NUP93: variants seen among roughly 807,000 people sequenced by gnomAD.
NUP93 encodes nucleoporin 93.
NUP93 carries 55 observed loss-of-function variants against 107.8 expected under a neutral mutation model. That is an observed-to-expected ratio of 0.51 (90% CI 0.41 to 0.64). The LOEUF (loss-of-function observed/expected upper bound fraction) is 0.64, where lower values mean the gene tolerates loss of function less well. Among genes scored for constraint, NUP93 ranks in the 30% least tolerant of loss-of-function variants. The pLI is 0.00. For synonymous variants in NUP93, 390 were observed against 397.5 expected (o/e 0.98, Z 0.22); for missense variants, 937 against 1,044.7 (o/e 0.90, Z 1.42).
chr16:56,811,471 G>T (rs1417851664), intron 5 of NUP93, among the ~76,000 whole-genome samples: 1 of 151,806 alleles, frequency 6.6e-6, no homozygotes, highest in African/African-American at 2.4e-5. Context: ...CAGGCTTTGG[G>T]TCCCCAAGCC....
intron 18 of NUP93, 141 bp from the exon 19 acceptor site, chr16:56,838,811 C>T (rs530328724): frequency 7.3e-5 from 49 of 668,942 alleles, no homozygotes; most frequent in East Asian, 2.9e-4. Flanking sequence ...GCAATCCTTC[C>T]GCCCCAGCCT....
chr16:56,803,102 CTCTTTT>C (rs1347990434), intron 4 of NUP93, among the ~76,000 whole-genome samples: 1 of 152,046 alleles, frequency 6.6e-6, no homozygotes, highest in African/African-American at 2.4e-5. Context: ...TCCCAGAGGG[CTCTTTT>C]TCTTTTACTG....
chr16:56,790,923 G>A (rs1307706428), intron 3 of NUP93, among the ~76,000 whole-genome samples: 1 of 152,146 alleles, frequency 6.6e-6, no homozygotes, highest in African/African-American at 2.4e-5. Flanking sequence ...GCTGTTGCTT[G>A]TGTCTTAGCA....
chr16:56,777,745 G>T (rs563451296), intron 3 of NUP93, among the ~76,000 whole-genome samples: 1 of 152,318 alleles, frequency 6.6e-6, no homozygotes, highest in African/African-American at 2.4e-5. Context: ...TGTTGGTAAT[G>T]ATGCTTAGTC....
intron 17 of NUP93, among the ~76,000 whole-genome samples, 181 bp downstream of exon 17, chr16:56,836,898 T>C (rs1963923345): frequency 6.6e-6 from 1 of 152,254 alleles, no homozygotes; most frequent in African/African-American, 2.4e-5. Flanking sequence ...GCATTATTTC[T>C]GCCCATAAGA....
chr16:56,737,953 G>A (rs1230708092), intron 1 of NUP93, among the ~76,000 whole-genome samples: 2 of 152,232 alleles, frequency 1.3e-5, no homozygotes, highest in African/African-American at 4.8e-5. Context: ...CAGAGCCAGA[G>A]CCAAAGCCAC....
chr16:56,774,632 T>C (rs1046566740), intron 3 of NUP93, among the ~76,000 whole-genome samples: 1 of 152,228 alleles, frequency 6.6e-6, no homozygotes, highest in Non-Finnish European at 1.5e-5. Context: ...TCATTTGAAA[T>C]GGCTTCTCTT....
At chr16:56,817,959 C>T (rs1963467584) in intron 5 of NUP93, among the ~76,000 whole-genome samples, 1 of 152,180 alleles carries the variant, frequency 6.6e-6, no homozygotes, top group African/African-American at 2.4e-5. Context: ...TTTCTCAGAA[C>T]CTATCCTATT....
At chr16:56,770,487 C>T (rs1450076982) in intron 3 of NUP93, among the ~76,000 whole-genome samples, 2 of 152,102 alleles carry the variant, frequency 1.3e-5, no homozygotes, top group East Asian at 1.9e-4. Context: ...AAATGAGAAC[C>T]GAATGGCTTT....
intron 1 of NUP93, among the ~76,000 whole-genome samples, chr16:56,740,193 G>A (rs1394576544): frequency 4.1e-5 from 6 of 146,842 alleles, no homozygotes; most frequent in East Asian, 2.1e-4. Flanking sequence ...CCCAGATGGG[G>A]TGGCTGCCGG....
chr16:56,766,567 TATTGA>T (rs1382727732), intron 3 of NUP93, among the ~76,000 whole-genome samples: 1 of 152,244 alleles, frequency 6.6e-6, no homozygotes, highest in African/African-American at 2.4e-5. Context: ...CCTTGTCAAA[TATTGA>T]ATTGTTTTAC....
chr16:56,818,719 A>C lies in NUP93; in HGVS notation c.545A>C (p.Glu182Ala), dbSNP rs751463195. ...GGTCGAAGCTCTCTGGATAACATCG[A>C]GATGGCCTATGCGCGGCAAGTGAGT... Reference protein sequence around the residue: ...PPGRSSLDNIEMAYARQIYIY... With the variant: ...PPGRSSLDNIAMAYARQIYIY... Residue 182 changes from glutamate to alanine, a missense_variant, in exon 6 of 22, where the codon GAG becomes GCG. Physicochemically the swap from Glu to Ala is moderately radical, Grantham distance 107. Transcript: ENST00000308159. 10 of 1,614,164 alleles carry C rather than the reference A, an allele frequency of 6.2e-6. No homozygotes were observed. The East Asian group carries it at 2.2e-4, about 36-fold the overall frequency.
chr16:56,817,131 T>TG (rs1224024639), intron 5 of NUP93, among the ~76,000 whole-genome samples: 6 of 152,154 alleles, frequency 3.9e-5, no homozygotes, highest in Admixed American at 6.5e-5. Context: ...TTAATACCAG[T>TG]GATAGCTGGA....
At chr16:56,832,483 T>G (rs1448914056) in intron 12 of NUP93, 95 bp downstream of exon 12, 1 of 912,266 alleles carries the variant, frequency 1.1e-6, no homozygotes, top group Non-Finnish European at 1.8e-6. Flanking sequence ...CTCTGAACTT[T>G]TGTCTTTCTT....
At chr16:56,794,871 T>C (rs1336754319) in intron 3 of NUP93, among the ~76,000 whole-genome samples, 2 of 132,604 alleles carry the variant, frequency 1.5e-5, no homozygotes, top group African/African-American at 5.9e-5. Flanking sequence ...GAGCTTGCAG[T>C]GAGCCGAGAT....
At chr16:56,827,540 T>C (rs574385440) in intron 8 of NUP93, among the ~76,000 whole-genome samples, 1 of 152,344 alleles carries the variant, frequency 6.6e-6, no homozygotes, top group Non-Finnish European at 1.5e-5. Context: ...AAGTGAATCA[T>C]ATCTAGTGTT....
At chr16:56,771,651 G>A (rs1219709109) in intron 3 of NUP93, among the ~76,000 whole-genome samples, 1 of 152,154 alleles carries the variant, frequency 6.6e-6, no homozygotes, top group Non-Finnish European at 1.5e-5. Context: ...GAGTAATTTG[G>A]CGTGATTGGC....
chr16:56,738,941 A>ATTT (rs149982335), intron 1 of NUP93, among the ~76,000 whole-genome samples: 3 of 104,916 alleles, frequency 2.9e-5, no homozygotes, highest in African/African-American at 3.9e-5. Context: ...TAAATGCTAA[A>ATTT]TTTCTTTTTT....
At chr16:56,818,821 A>G in intron 6 of NUP93, 83 bp downstream of exon 6, 1 of 1,166,968 alleles carries the variant, frequency 8.6e-7, no homozygotes, top group Non-Finnish European at 1.3e-6. Flanking sequence ...AACTTGTAAA[A>G]GTCAAACCCT....
Sources: gnomAD v4.1 joint callset for allele counts (sites outside exome capture counted in the v4.1 genomes callset) on GRCh38, gnomAD v4.1.1 for gene constraint, MANE v1.5 for transcripts, NCBI Gene and HGNC (gene_info 2026-07-23, HGNC 2026-07-21) for gene names.